Variants in ROBO2 observed in about 807,000 individuals in gnomAD.
ROBO2 encodes the protein roundabout homolog 2.
Under a neutral mutation model 160.8 loss-of-function variants are expected in ROBO2, and 53 were observed. The ratio of observed to expected loss-of-function variants is 0.33; its 90% CI spans 0.26 to 0.41. ROBO2 has a LOEUF of 0.41. Among genes scored for constraint, ROBO2 ranks in the 10% least tolerant of loss-of-function variants. The pLI, the probability that ROBO2 is intolerant of heterozygous loss-of-function variation, is 1.00. For synonymous variants in ROBO2, 664 were observed against 611.7 expected, an observed-to-expected ratio of 1.09 and a Z score of -1.26; for missense variants, 1,577 against 1,722.4, an observed-to-expected ratio of 0.92 and a Z score of 1.49.
At chr3:77,412,605 A>G (rs1160243898) in intron 2 of ROBO2, among the ~76,000 whole-genome samples, 2 of 152,156 alleles carry the variant, frequency 1.3e-5, no homozygotes, top group African/African-American at 4.8e-5. Flanking sequence ...TGCTCCTGGA[A>G]CACCCAAGGC....
chr3:77,039,944 C>G lies in ROBO2; in HGVS notation c.-842C>G, dbSNP rs9835590. On this transcript the variant is annotated 5_prime_UTR_variant, in exon 1 of 26. Transcript: ENST00000461745. ...GAGCGCTCCCTTTCTCCGCCGCGCC[C>G]GGGCTGGGCTCTCACGCCCGTCTCT... The G allele has an allele frequency of 0.33, 78,950 of 238,946 alleles. 14,253 individuals carry two copies. Among genetic ancestry groups the G allele is most frequent in the African/African-American group, 0.52 (22,356 of 43,018 alleles). 14.8% of individuals were successfully genotyped at this position (238,946 alleles called of 1,614,324 possible). A position where few individuals can be genotyped will look rare whatever the true frequency, so the allele number is the denominator to read the frequency against.
intron 2 of ROBO2, among the ~76,000 whole-genome samples, chr3:76,815,749 C>T (rs1015062811): frequency 4.6e-5 from 7 of 152,046 alleles, no homozygotes; most frequent in African/African-American, 1.2e-4. Context: ...TTTTCCTCCT[C>T]TTCCTGCCCC....
In ROBO2 at chr3:76,383,116, G is replaced by A. The variant is rs371629864; in HGVS notation, c.109+445514G>A. On this transcript the variant is annotated intron_variant, in intron 2 of 26. Transcript: ENST00000487694. ...TGGGAAGCATGCGATGGAGTAGGCA[G>A]GGGAAAGGCTAGTATTGAACAGAAA... Among the ~76,000 whole-genome samples, 15 of 151,364 alleles carry A rather than the reference G, an allele frequency of 9.9e-5. No homozygotes were observed. In the East Asian group the frequency reaches 1.2e-3, roughly 12 times the overall value.
intron 2 of ROBO2, among the ~76,000 whole-genome samples, chr3:77,476,683 G>A (rs1228504030): frequency 6.6e-6 from 1 of 152,104 alleles, no homozygotes; most frequent in Non-Finnish European, 1.5e-5. Flanking sequence ...CATTTGGAGA[G>A]GCAGGCATGC....
At chr3:75,986,676 T>C (rs1442564666) in intron 2 of ROBO2, among the ~76,000 whole-genome samples, 2 of 151,770 alleles carry the variant, frequency 1.3e-5, no homozygotes, top group Non-Finnish European at 3.0e-5. Flanking sequence ...TATAGTATTT[T>C]TTGTATTACA....
intron 2 of ROBO2, among the ~76,000 whole-genome samples, chr3:76,833,244 C>G (rs1022576472): frequency 6.6e-6 from 1 of 152,070 alleles, no homozygotes; most frequent in African/African-American, 2.4e-5. Context: ...AGTCCGCGGA[C>G]AGTAAAGACT....
intron 2 of ROBO2, among the ~76,000 whole-genome samples, chr3:77,440,200 A>G (rs1459167659): frequency 1.3e-5 from 2 of 152,144 alleles, no homozygotes; most frequent in African/African-American, 4.8e-5. Flanking sequence ...GTCTTTACAT[A>G]TGACACATTT....
chr3:76,621,741 A>G (rs1169118140), intron 2 of ROBO2, among the ~76,000 whole-genome samples: 1 of 152,352 alleles, frequency 6.6e-6, no homozygotes, highest in Admixed American at 6.5e-5. Flanking sequence ...TACTGCTATT[A>G]GTTTTAATTC....
intron 2 of ROBO2, among the ~76,000 whole-genome samples, chr3:76,096,844 C>T (rs1171504970): frequency 2.0e-5 from 3 of 152,140 alleles, no homozygotes; most frequent in African/African-American, 7.2e-5. Flanking sequence ...TGAACATCCA[C>T]CATGAACAAA....
chr3:77,477,987 C>G (rs1319000664), intron 3 of ROBO2, among the ~76,000 whole-genome samples: 1 of 151,886 alleles, frequency 6.6e-6, no homozygotes, highest in Non-Finnish European at 1.5e-5. Context: ...CCACCACGCC[C>G]AGCTATTTTT....
chr3:76,891,877 C>T (rs992366211), intron 2 of ROBO2, among the ~76,000 whole-genome samples: 1 of 152,038 alleles, frequency 6.6e-6, no homozygotes, highest in Non-Finnish European at 1.5e-5. Flanking sequence ...AAGTAACTAC[C>T]TTGGAGAATT....
intron 2 of ROBO2, among the ~76,000 whole-genome samples, chr3:77,244,748 C>T (rs192682933): frequency 1.5e-3 from 232 of 151,726 alleles, no homozygotes; most frequent in African/African-American, 5.0e-3. Context: ...TGTGGTGGTG[C>T]GCACCTGCAG....
chr3:77,248,918 C>T lies in ROBO2; in HGVS notation c.388+150578C>T, dbSNP rs117245430. On this transcript the variant is annotated intron_variant, in intron 2 of 25. Coordinates refer to ENST00000461745, the Ensembl canonical transcript of ROBO2. ...TTTAAGACAGGGTGTCAGTCTGTTA[C>T]CCAGGCTGGAGTGCAGTGGCTCAGT... Among the ~76,000 whole-genome samples the T allele has an allele frequency of 2.1e-3, 319 of 152,104 alleles. 11 individuals are homozygous for T. In the East Asian group the frequency reaches 0.054, roughly 26 times the overall value.
chr3:76,272,988 A>ATAAAATATATATT (rs1559706840), intron 2 of ROBO2, among the ~76,000 whole-genome samples: 1 of 89,482 alleles, frequency 1.1e-5, no homozygotes, highest in African/African-American at 4.6e-5. Context: ...TATAATATAT[A>ATAAAATATATATT]ATATATAATT....
At chr3:77,265,842 ATAAT>A (rs1283734416) in intron 2 of ROBO2, among the ~76,000 whole-genome samples, 1 of 152,170 alleles carries the variant, frequency 6.6e-6, no homozygotes, top group Non-Finnish European at 1.5e-5. Context: ...AATTTAAAAG[ATAAT>A]TAATTACGTT....
chr3:76,198,860 C>G (rs1401158971), intron 2 of ROBO2, among the ~76,000 whole-genome samples: 1 of 152,014 alleles, frequency 6.6e-6, no homozygotes, highest in Non-Finnish European at 1.5e-5. Context: ...TTGAGGTGTC[C>G]CACATTTCCA....
chr3:77,297,018 G>C (rs1033652236), intron 2 of ROBO2, among the ~76,000 whole-genome samples: 18 of 150,724 alleles, frequency 1.2e-4, no homozygotes, highest in Non-Finnish European at 1.5e-5. Context: ...AAATTAAGTT[G>C]TTCATGGAGA....
intron 2 of ROBO2, among the ~76,000 whole-genome samples, chr3:77,023,725 C>G (rs2062782709): frequency 6.6e-6 from 1 of 152,126 alleles, no homozygotes; most frequent in Admixed American, 6.5e-5. Context: ...CTCTTTCAAA[C>G]ATAAAACTAG....
At chr3:76,626,320 A>AT (rs1308395029) in intron 2 of ROBO2, among the ~76,000 whole-genome samples, 1 of 152,170 alleles carries the variant, frequency 6.6e-6, no homozygotes, top group Non-Finnish European at 1.5e-5. Context: ...TGCGGTAGAG[A>AT]TATAAACTGG....
Sources: gnomAD v4.1 joint callset for allele counts (sites outside exome capture counted in the v4.1 genomes callset) on GRCh38, gnomAD v4.1.1 for gene constraint, MANE v1.5 for transcripts, NCBI Gene and HGNC (gene_info 2026-07-23, HGNC 2026-07-21) for gene names.